PLRG1: variants seen among roughly 807,000 people sequenced by gnomAD.
The protein encoded by PLRG1 is pleiotropic regulator 1 (PRL1 homolog, Arabidopsis).
PLRG1 carries 28 observed loss-of-function variants against 74.9 expected under a neutral mutation model. The observed-to-expected ratio is 0.37, with a 90% CI of 0.28 to 0.51. PLRG1 has a LOEUF of 0.51. Ranked by LOEUF, PLRG1 falls within the 20% of genes least tolerant of loss-of-function variation. PLRG1 has a pLI of 0.91. For synonymous variants in PLRG1, 197 were observed against 212.4 expected, an observed-to-expected ratio of 0.93 and a Z score of 0.63; for missense variants, 445 against 631.9, an observed-to-expected ratio of 0.70 and a Z score of 3.17.
At chr4:154,549,093 A>T (rs1408055906) in intron 1 of PLRG1, 158 bp from the exon 2 acceptor site, 7 of 618,298 alleles carry the variant, frequency 1.1e-5, no homozygotes, top group Non-Finnish European at 2.1e-5. Flanking sequence ...AAGTTCAGAG[A>T]AGAGGAGGAA....
At chr4:154,540,406 G>A in intron 10 of PLRG1, 188 bp downstream of exon 10, 1 of 600,106 alleles carries the variant, frequency 1.7e-6, no homozygotes, top group South Asian at 2.1e-5. Context: ...CACTAACATG[G>A]TGAGGCCATA....
chr4:154,549,621 G>A (rs759414142), intron 1 of PLRG1: 1 of 454,314 alleles, frequency 2.2e-6, no homozygotes, highest in South Asian at 1.6e-5. Flanking sequence ...AGCAACATAG[G>A]GTCAGTAAAG....
chr4:154,536,796 C>T (rs1443040663), intron 14 of PLRG1, 52 bp from the exon 15 acceptor site: 2 of 914,960 alleles, frequency 2.2e-6, no homozygotes, highest in Non-Finnish European at 3.5e-6. Context: ...TGCTTCATGT[C>T]TAATAGGCTT....
In PLRG1 at chr4:154,545,868, A is replaced by G; in HGVS notation, c.460T>C (p.Ser154Pro). 6.2e-7 allele frequency: 1 copy of G among 1,612,640 alleles called. No homozygotes were observed. Among genetic ancestry groups the G allele is most frequent in the Non-Finnish European group, 8.5e-7 (1 of 1,178,798 alleles). Reference sequence around the variant, plus strand: ...ATCGCTGTAGGCTGTGGACGGTCAGAAGCCCCAGGATGTCGGTATTCACTT... The same window carrying G: ...ATCGCTGTAGGCTGTGGACGGTCAGGAGCCCCAGGATGTCGGTATTCACTT... ...SGSEYRHPGA[S>P]DRPQPTAMNS... is the part of the protein sequence containing the mutation. Residue 154 changes from serine (S) to proline (P), a missense_variant, in exon 6 of 15, where the codon TCT becomes CCT. Physicochemically the swap from Ser to Pro is moderately conservative, Grantham distance 74. Coordinates refer to ENST00000499023, the MANE Select transcript of PLRG1 (RefSeq NM_002669.4).
In PLRG1 at chr4:154,540,053, T is replaced by C; in HGVS notation, c.940A>G (p.Ile314Val). 6.8e-7 allele frequency: 1 copy of C among 1,475,880 alleles called. No homozygotes were observed. Among genetic ancestry groups the C allele is most frequent in the Non-Finnish European group, 9.5e-7 (1 of 1,054,152 alleles). 91.4% of individuals were successfully genotyped at this position (1,475,880 alleles called of 1,614,324 possible). A position where few individuals can be genotyped will look rare whatever the true frequency, so the allele number is the denominator to read the frequency against. ...CTGGCTTTAGTTCTCACATCCCAAA[T>C]CTATAAAAACACAATAGACATATTA... ...VTCSRDSTAR[I>V]WDVRTKASVH... The change falls in exon 11 of 15, where the codon ATT becomes GTT. Residue 314 changes from isoleucine (I) to valine (V), a missense_variant and splice_region_variant. Coordinates refer to ENST00000499023, the MANE Select transcript of PLRG1 (RefSeq NM_002669.4).
intron 2 of PLRG1, among the ~76,000 whole-genome samples, chr4:154,548,201 A>G (rs190935129): frequency 6.6e-6 from 1 of 152,318 alleles, no homozygotes; most frequent in Admixed American, 6.5e-5. Context: ...ATATAGTAAA[A>G]ACTCTATAGC....
At chr4:154,540,568 T>A (rs754627873) in intron 10 of PLRG1, 26 bp downstream of exon 10, 3 of 1,459,900 alleles carry the variant, frequency 2.1e-6, no homozygotes, top group Non-Finnish European at 2.9e-6. Flanking sequence ...TATTTACAGA[T>A]AAATACACAA....
chr4:154,545,961 G>A (rs773767145), intron 5 of PLRG1, 38 bp from the exon 6 acceptor site: 18 of 1,360,560 alleles, frequency 1.3e-5, no homozygotes, highest in Non-Finnish European at 1.5e-5. Flanking sequence ...AGTAATTAAT[G>A]CCTCCAGTCA....
chr4:154,537,903 T>C (rs1729480078), intron 13 of PLRG1, 66 bp downstream of exon 13: 3 of 917,528 alleles, frequency 3.3e-6, no homozygotes, highest in South Asian at 4.3e-5. Context: ...GCATTACAAA[T>C]GTTTATTCAT....
Position 154,545,918 on chromosome 4 carries a change from T to A in PLRG1, c.410A>T (p.Asp137Val), listed in dbSNP as rs778997148. Residue 137 changes from aspartate (D) to valine (V), a missense_variant, in exon 6 of 15, where the codon GAT (aspartate) becomes GTT (valine). By Grantham distance (152) the Asp-to-Val change is radical. Coordinates refer to ENST00000499023, the MANE Select transcript of PLRG1 (RefSeq NM_002669.4). Reference protein sequence around the residue: ...AVALPLQTKADANRTAPSGSE... With the variant: ...AVALPLQTKAVANRTAPSGSE... Reference sequence around the variant, plus strand: ...TCCACTAGGGGCAGTACGATTTGCATCAGCCCTGGGGCAAAAGAAATAATA... The same window carrying A: ...TCCACTAGGGGCAGTACGATTTGCAACAGCCCTGGGGCAAAAGAAATAATA... 1 of 1,606,130 alleles carries A rather than the reference T, an allele frequency of 6.2e-7. No individual in the cohort carries two copies. The highest frequency in any genetic ancestry group is 1.7e-5 in the Admixed American group (1 of 59,750).
intron 4 of PLRG1, 124 bp downstream of exon 4, chr4:154,546,887 C>A (rs1729665895): frequency 1.3e-6 from 1 of 759,736 alleles, no homozygotes; most frequent in Non-Finnish European, 2.4e-6. Flanking sequence ...CAAAGCTATG[C>A]ATGGATGCTT....
At chr4:154,544,421 T>C (rs958546545) in intron 7 of PLRG1, 24 bp downstream of exon 7, 2 of 1,258,646 alleles carry the variant, frequency 1.6e-6, no homozygotes, top group African/African-American at 2.9e-5. Context: ...GTTCACATAA[T>C]AAAATAAATG....
Position 154,550,335 on chromosome 4 carries a change from C to T in PLRG1, c.-27G>A. On this transcript the variant is annotated 5_prime_UTR_variant, in exon 1 of 15. Transcript: ENST00000499023. The stretch of plus-strand genomic sequence containing the variant: ...ATGCTACCGTGTATCCCACCTCCGG[C>T]AGGGAAGAAACTCTAATCACTAACG... 6.2e-7 allele frequency: 1 copy of T among 1,611,178 alleles called. No individual in the cohort carries two copies. Among genetic ancestry groups the T allele is most frequent in the Non-Finnish European group, 8.5e-7 (1 of 1,177,308 alleles).
chr4:154,537,645 G>A lies in PLRG1; in HGVS notation c.1292-166C>T, dbSNP rs928897504. 2.4e-5 allele frequency: 13 copies of A among 552,066 alleles called. No homozygotes were observed. The African/African-American group carries it at 2.5e-4, about 11-fold the overall frequency. The allele number at this position is 552,066 out of a possible 1,614,324, so 34.2% of individuals were successfully genotyped here. A position where few individuals can be genotyped will look rare whatever the true frequency, so the allele number is the denominator to read the frequency against. ...ATATTGGTTTGTCTACTTTCATTTG[G>A]GCTGGGTTCAGAACTTATAGATCTT... On this transcript the variant is annotated intron_variant, in intron 13 of 14. Transcript: ENST00000499023.
chr4:154,549,025 A>C (rs757798004), intron 1 of PLRG1, 90 bp from the exon 2 acceptor site: 1 of 782,886 alleles, frequency 1.3e-6, no homozygotes, highest in East Asian at 2.8e-5. Context: ...CACGTGTTTA[A>C]ATATGTAAAA....
chr4:154,547,388 A>G (rs1729677754), intron 3 of PLRG1: 3 of 499,236 alleles, frequency 6.0e-6, no homozygotes, highest in Admixed American at 7.3e-5. Context: ...ATTTAATTTC[A>G]TCTTTCTGAA....
rs1469417451 is a variant in PLRG1, at chr4:154,537,961, T to C, written c.1291+8A>G. The C allele has an allele frequency of 1.4e-6, 2 of 1,414,688 alleles. No individual in the cohort carries two copies. The highest frequency in any genetic ancestry group is 2.9e-5 in the South Asian group (2 of 69,082). 87.6% of individuals were successfully genotyped at this position (1,414,688 alleles called of 1,614,324 possible). A position where few individuals can be genotyped will look rare whatever the true frequency, so the allele number is the denominator to read the frequency against. On this transcript the variant is annotated splice_region_variant and intron_variant, in intron 13 of 14. Transcript: ENST00000499023. ...CTAAACATATTTATTATAAAAATCT[T>C]ATTTTACCTCCAGATACAAGCACTC... is the stretch of plus-strand genomic sequence containing the variant.
chr4:154,547,628 G>A, intron 3 of PLRG1, 83 bp downstream of exon 3: 1 of 1,287,830 alleles, frequency 7.8e-7, no homozygotes, highest in South Asian at 1.2e-5. Context: ...AGTCCTGCCA[G>A]GAGGGGCAAA....
At chr4:154,537,500 T>C in intron 13 of PLRG1, 21 bp from the exon 14 acceptor site, 1 of 1,572,056 alleles carries the variant, frequency 6.4e-7, no homozygotes, top group African/African-American at 1.3e-5. Flanking sequence ...AAAATCTAGT[T>C]ACACCTGGTA....
Sources: allele counts gnomAD v4.1 joint callset (sites outside exome capture counted in the v4.1 genomes callset), GRCh38; gene constraint gnomAD v4.1.1; transcripts MANE v1.5; gene names NCBI Gene and HGNC (gene_info 2026-07-23, HGNC 2026-07-21).